KCNAB1: variants seen among roughly 807,000 people sequenced by gnomAD.
KCNAB1 encodes the protein potassium voltage-gated channel subfamily A regulatory beta subunit 1, also known as voltage-gated potassium channel subunit beta-1.
Under a neutral mutation model 64.6 loss-of-function variants are expected in KCNAB1, and 35 were observed. The ratio of observed to expected loss-of-function variants is 0.54; its 90% CI spans 0.41 to 0.72. KCNAB1 has a LOEUF of 0.72. Among genes scored for constraint, KCNAB1 ranks in the 30% least tolerant of loss-of-function variants. The pLI, the probability that KCNAB1 is intolerant of heterozygous loss-of-function variation, is 0.00. For synonymous variants in KCNAB1, 177 were observed against 183.8 expected (o/e 0.96, Z 0.30); for missense variants, 401 against 512.9 (o/e 0.78, Z 2.11).
At chr3:156,224,060 C>G (rs991715494) in intron 1 of KCNAB1, among the ~76,000 whole-genome samples, 2 of 152,230 alleles carry the variant, frequency 1.3e-5, no homozygotes, top group Non-Finnish European at 2.9e-5. Flanking sequence ...GTCCTGAGCC[C>G]TGCCCCGTGG....
chr3:156,129,718 A>G (rs1713881147), intron 1 of KCNAB1, among the ~76,000 whole-genome samples: 1 of 152,184 alleles, frequency 6.6e-6, no homozygotes, highest in South Asian at 2.1e-4. Context: ...CATAATTACT[A>G]TTCCCCTTTG....
At chr3:156,180,157 G>A (rs909589203) in intron 1 of KCNAB1, among the ~76,000 whole-genome samples, 2 of 152,224 alleles carry the variant, frequency 1.3e-5, no homozygotes, top group Non-Finnish European at 2.9e-5. Context: ...TTCCAATCCA[G>A]CTTCTCTAAT....
At chr3:156,504,751 G>GTT (rs71302274) in intron 8 of KCNAB1, among the ~76,000 whole-genome samples, 12,082 of 131,958 alleles carry the variant, frequency 0.092, 570 homozygotes, top group Non-Finnish European at 0.11. Flanking sequence ...TGTTTTTTTT[G>GTT]TTTTTTTTTT....
chr3:156,241,549 G>T (rs1042577754), intron 1 of KCNAB1, among the ~76,000 whole-genome samples: 1 of 152,042 alleles, frequency 6.6e-6, no homozygotes, highest in Non-Finnish European at 1.5e-5. Flanking sequence ...GTTGACTTCT[G>T]GTTGGACCAC....
At chr3:156,173,807 A>T (rs1215609866) in intron 1 of KCNAB1, among the ~76,000 whole-genome samples, 1 of 152,240 alleles carries the variant, frequency 6.6e-6, no homozygotes, top group Non-Finnish European at 1.5e-5. Flanking sequence ...TTTGTACCAG[A>T]GGACTGTGTG....
At chr3:156,296,877 T>A (rs188391101) in intron 1 of KCNAB1, among the ~76,000 whole-genome samples, 1 of 152,350 alleles carries the variant, frequency 6.6e-6, no homozygotes, top group African/African-American at 2.4e-5. Flanking sequence ...AATTTCCATA[T>A]GCCCTTAATT....
At chr3:156,399,864 A>G in intron 1 of KCNAB1, among the ~76,000 whole-genome samples, 1 of 152,216 alleles carries the variant, frequency 6.6e-6, no homozygotes, top group Admixed American at 6.5e-5. Context: ...GAAGCAGTAT[A>G]AAATTACCGC....
chr3:156,301,903 G>A (rs1721178632), intron 1 of KCNAB1, among the ~76,000 whole-genome samples: 1 of 152,140 alleles, frequency 6.6e-6, no homozygotes, highest in Non-Finnish European at 1.5e-5. Context: ...AAGAAGCAAA[G>A]CTGTAAATTT....
chr3:156,311,070 C>T (rs565961822), intron 1 of KCNAB1, among the ~76,000 whole-genome samples: 1 of 152,276 alleles, frequency 6.6e-6, no homozygotes, highest in African/African-American at 2.4e-5. Context: ...GACCCCCCAC[C>T]CTTCTTCTCC....
intron 1 of KCNAB1, among the ~76,000 whole-genome samples, chr3:156,387,188 A>G (rs1712683091): frequency 6.6e-6 from 1 of 151,950 alleles, no homozygotes; most frequent in Non-Finnish European, 1.5e-5. Context: ...AAGGGTGTGG[A>G]GCGGGGTGAC....
intron 1 of KCNAB1, among the ~76,000 whole-genome samples, chr3:156,190,195 C>A (rs1203010177): frequency 6.6e-6 from 1 of 152,176 alleles, no homozygotes; most frequent in Non-Finnish European, 1.5e-5. Context: ...TTGAAAGTAA[C>A]TTTCCTTCCG....
At chr3:156,368,453 GTCTC>G (rs759161165) in intron 1 of KCNAB1, among the ~76,000 whole-genome samples, 1 of 152,154 alleles carries the variant, frequency 6.6e-6, no homozygotes, top group Admixed American at 6.5e-5. Context: ...TAGAGACAGG[GTCTC>G]TCTCTGTTGC....
At chr3:156,301,211 G>GTT (rs3836228) in intron 1 of KCNAB1, among the ~76,000 whole-genome samples, 9 of 149,180 alleles carry the variant, frequency 6.0e-5, no homozygotes, top group Admixed American at 2.0e-4. Context: ...TTTATGTTTT[G>GTT]TTTTTTTTTT....
At chr3:156,240,848 G>A (rs985186963) in intron 1 of KCNAB1, among the ~76,000 whole-genome samples, 1 of 152,210 alleles carries the variant, frequency 6.6e-6, no homozygotes, top group African/African-American at 2.4e-5. Context: ...ACCAGTAGGG[G>A]AGGAAGGAAG....
At chr3:156,505,614 A>C (rs1035695110) in intron 8 of KCNAB1, among the ~76,000 whole-genome samples, 3 of 152,052 alleles carry the variant, frequency 2.0e-5, no homozygotes, top group African/African-American at 7.2e-5. Flanking sequence ...GAGATTTTTT[A>C]CCTTCTTAAA....
intron 1 of KCNAB1, among the ~76,000 whole-genome samples, chr3:156,245,572 G>A (rs1717407022): frequency 6.6e-6 from 1 of 152,114 alleles, no homozygotes; most frequent in Admixed American, 6.5e-5. Flanking sequence ...AATTATATAT[G>A]TATATATTTA....
At chr3:156,256,632 G>A (rs1246984688) in intron 1 of KCNAB1, among the ~76,000 whole-genome samples, 4 of 152,132 alleles carry the variant, frequency 2.6e-5, no homozygotes, top group African/African-American at 7.2e-5. Flanking sequence ...CTTACCAGTG[G>A]GCCACTAGAT....
chr3:156,177,550 T>TG (rs1243329018), intron 1 of KCNAB1, among the ~76,000 whole-genome samples: 1 of 152,012 alleles, frequency 6.6e-6, no homozygotes, highest in Non-Finnish European at 1.5e-5. Flanking sequence ...CTAATTTTTT[T>TG]GTATTTTTAG....
At chr3:156,337,862 T>C (rs191114404) in intron 1 of KCNAB1, among the ~76,000 whole-genome samples, 9 of 152,360 alleles carry the variant, frequency 5.9e-5, no homozygotes, top group Non-Finnish European at 1.2e-4. Context: ...GCATGTTTGA[T>C]TAATACTGTT....
Sources: allele counts gnomAD v4.1 joint callset (sites outside exome capture counted in the v4.1 genomes callset), GRCh38; gene constraint gnomAD v4.1.1; transcripts MANE v1.5; gene names NCBI Gene and HGNC (gene_info 2026-07-23, HGNC 2026-07-21).